OPCML: variants seen among roughly 807,000 people sequenced by gnomAD.
OPCML encodes the protein opioid-binding protein/cell adhesion molecule.
In OPCML, 13 loss-of-function variants were observed where a neutral mutation model predicts 37.8. The ratio of observed to expected loss-of-function variants is 0.34; its 90% CI spans 0.22 to 0.55. The LOEUF (loss-of-function observed/expected upper bound fraction) is 0.55. Among genes scored for constraint, OPCML ranks in the 20% least tolerant of loss-of-function variants. The pLI is 0.91. For synonymous variants in OPCML, 176 were observed against 168.8 expected (o/e 1.04, Z -0.33); for missense variants, 341 against 435.6 (o/e 0.78, Z 1.93).
intron 2 of OPCML, among the ~76,000 whole-genome samples, chr11:132,783,803 C>T (rs1321557013): frequency 6.6e-6 from 1 of 152,036 alleles, no homozygotes; most frequent in East Asian, 1.9e-4. Flanking sequence ...CCCTAGACCT[C>T]GTGGGAGAAA....
chr11:132,621,532 G>A (rs1187184709), intron 3 of OPCML, among the ~76,000 whole-genome samples: 2 of 152,198 alleles, frequency 1.3e-5, no homozygotes, highest in African/African-American at 4.8e-5. Context: ...TTGAGTGAAG[G>A]AAGCTGCACA....
At chr11:132,664,821 G>A (rs1591695024) in intron 2 of OPCML, among the ~76,000 whole-genome samples, 1 of 152,324 alleles carries the variant, frequency 6.6e-6, no homozygotes, top group South Asian at 2.1e-4. Flanking sequence ...GAAATGCAAC[G>A]AGAGTAATCA....
chr11:132,591,582 G>A (rs2096484518), intron 3 of OPCML, among the ~76,000 whole-genome samples: 1 of 152,130 alleles, frequency 6.6e-6, no homozygotes, highest in Non-Finnish European at 1.5e-5. Context: ...ATCCTCCACT[G>A]TGCTGAGAAA....
intron 1 of OPCML, among the ~76,000 whole-genome samples, chr11:133,107,683 T>A (rs1302336480): frequency 6.6e-6 from 1 of 152,214 alleles, no homozygotes. Flanking sequence ...CAGTTTCCAT[T>A]TTGACGTTGT....
intron 1 of OPCML, among the ~76,000 whole-genome samples, chr11:132,995,874 C>T (rs771218779): frequency 8.5e-5 from 13 of 152,210 alleles, no homozygotes; most frequent in Admixed American, 6.5e-4. Flanking sequence ...AAGCAGCTAA[C>T]TCTGCGAGGC....
chr11:133,181,344 TGATAA>T lies in OPCML; in HGVS notation c.62-238339_62-238335del, dbSNP rs1423106493. ...CCGGTTGTGATTTTCTACTAGAGTT[TGATAA>T]GATGTTACTGCACGGGGGTGGCGGG... On this transcript the variant is annotated intron_variant, in intron 1 of 7. Transcript: ENST00000524381. Among the ~76,000 whole-genome samples the T allele has an allele frequency of 2.2e-5, 3 of 139,248 alleles. No homozygotes were observed. In the East Asian group the frequency reaches 6.1e-4, roughly 28 times the overall value. 91.4% of individuals were successfully genotyped at this position (139,248 alleles called of 152,430 possible).
intron 1 of OPCML, among the ~76,000 whole-genome samples, chr11:132,961,351 T>C (rs761415165): frequency 6.6e-6 from 1 of 152,164 alleles, no homozygotes; most frequent in Non-Finnish European, 1.5e-5. Flanking sequence ...CACAAAGATA[T>C]ATGTAGCTCT....
chr11:132,567,249 C>T (rs2096425753), intron 3 of OPCML, among the ~76,000 whole-genome samples: 1 of 152,102 alleles, frequency 6.6e-6, no homozygotes, highest in Non-Finnish European at 1.5e-5. Context: ...TTAACCAATG[C>T]CAACAGCAAC....
chr11:133,082,087 C>A (rs1041575222), intron 1 of OPCML, among the ~76,000 whole-genome samples: 4 of 152,024 alleles, frequency 2.6e-5, no homozygotes, highest in African/African-American at 9.7e-5. Context: ...CCTGAGACGG[C>A]CGGGGGTGAC....
At chr11:132,770,714 A>C (rs113030046) in intron 2 of OPCML, among the ~76,000 whole-genome samples, 496 of 152,188 alleles carry the variant, frequency 3.3e-3, no homozygotes, top group Non-Finnish European at 5.5e-3. Context: ...CATTAGAAAC[A>C]CGTTTCTGAG....
intron 2 of OPCML, among the ~76,000 whole-genome samples, chr11:132,701,193 A>T (rs559916666): frequency 1.3e-5 from 2 of 152,336 alleles, no homozygotes; most frequent in East Asian, 3.9e-4. Flanking sequence ...GCAAAGGCAC[A>T]TCTTACATGT....
chr11:133,131,458 A>T (rs1213219849), intron 1 of OPCML, among the ~76,000 whole-genome samples: 1 of 152,200 alleles, frequency 6.6e-6, no homozygotes, highest in Non-Finnish European at 1.5e-5. Flanking sequence ...TAAAACAACT[A>T]TGATCTCCCA....
chr11:132,505,888 CG>C (rs1328458706), intron 4 of OPCML, among the ~76,000 whole-genome samples: 7 of 136,140 alleles, frequency 5.1e-5, no homozygotes, highest in African/African-American at 1.9e-4. Flanking sequence ...CCACTTTCTG[CG>C]AAAAAAAAAA....
chr11:132,694,465 G>A (rs899870653), intron 2 of OPCML, among the ~76,000 whole-genome samples: 47 of 152,112 alleles, frequency 3.1e-4, no homozygotes, highest in African/African-American at 1.1e-3. Flanking sequence ...CCAAAGTGCT[G>A]GGATTATAGG....
At chr11:132,568,188 C>T (rs2096428944) in intron 3 of OPCML, among the ~76,000 whole-genome samples, 2 of 152,046 alleles carry the variant, frequency 1.3e-5, no homozygotes, top group Admixed American at 6.6e-5. Flanking sequence ...GCATTAATCA[C>T]GTAATTTCAT....
chr11:132,647,300 C>A (rs575446798), intron 3 of OPCML, among the ~76,000 whole-genome samples: 2 of 152,256 alleles, frequency 1.3e-5, no homozygotes, highest in South Asian at 4.1e-4. Context: ...TGAATCCCAC[C>A]CTCTGGGGTT....
chr11:132,921,251 G>A (rs146498732), intron 2 of OPCML, among the ~76,000 whole-genome samples: 8 of 152,246 alleles, frequency 5.3e-5, no homozygotes, highest in African/African-American at 1.7e-4. Context: ...AGACAAGTTC[G>A]CCTCCCTGTT....
chr11:132,453,587 A>G lies in OPCML; in HGVS notation c.506-16228T>C, dbSNP rs528192269. On this transcript the variant is annotated intron_variant, in intron 4 of 7. Transcript: ENST00000524381. ...CATCTAATTGTCTAGTGCTGAGGGT[A>G]AGACTGATTACTCATAACTAAATAT... 9.8e-5 allele frequency among the ~76,000 whole-genome samples: 15 copies of G among 152,368 alleles called. 1 individual carries two copies. In the South Asian group the frequency reaches 3.1e-3, roughly 32 times the overall value.
intron 1 of OPCML, among the ~76,000 whole-genome samples, chr11:133,061,652 A>G (rs192322609): frequency 6.6e-6 from 1 of 152,346 alleles, no homozygotes; most frequent in Admixed American, 6.5e-5. Flanking sequence ...GATTGAGGGC[A>G]AGGAACCTGA....
Sources: allele counts gnomAD v4.1 joint callset (sites outside exome capture counted in the v4.1 genomes callset), GRCh38; gene constraint gnomAD v4.1.1; transcripts MANE v1.5; gene names NCBI Gene and HGNC (gene_info 2026-07-23, HGNC 2026-07-21).